The following CMTM7 variants were observed in gnomAD, a reference collection of about 807,000 sequenced individuals.
The protein encoded by CMTM7 is CKLF like MARVEL transmembrane domain containing 7.
Under a neutral mutation model 19.3 loss-of-function variants are expected in CMTM7, and 7 were observed. The observed-to-expected ratio is 0.36, with a 90% CI of 0.21 to 0.68. The LOEUF is 0.68. Among genes scored for constraint, CMTM7 ranks in the 30% least tolerant of loss-of-function variants. CMTM7 has a pLI of 0.60. For missense variants in CMTM7, 193 were observed against 232.6 expected (o/e 0.83, Z 1.11); for synonymous variants, 87 against 99.3 (o/e 0.88, Z 0.74).
At chr3:32,421,941 T>C (rs900267520) in intron 1 of CMTM7, among the ~76,000 whole-genome samples, 2 of 152,218 alleles carry the variant, frequency 1.3e-5, no homozygotes, top group African/African-American at 4.8e-5. Context: ...TTATTATCCC[T>C]CATGCCAAAG....
intron 1 of CMTM7, among the ~76,000 whole-genome samples, chr3:32,434,210 A>G (rs1696561954): frequency 6.6e-6 from 1 of 152,198 alleles, no homozygotes. Flanking sequence ...AACAATAATA[A>G]TACAAAAATA....
At position 32,454,659 on chromosome 3, in the gene CMTM7, A is replaced by C. The variant is rs1696883977; in HGVS notation, c.*405A>C. 2 of 368,176 alleles carry C rather than the reference A, an allele frequency of 5.4e-6. No homozygotes were observed. The highest frequency in any genetic ancestry group is 1.1e-5 in the Non-Finnish European group (2 of 188,316). The allele number at this position is 368,176 out of a possible 1,614,324, so 22.8% of individuals were successfully genotyped here. On this transcript the variant is annotated 3_prime_UTR_variant, in exon 5 of 5. Transcript: ENST00000334983. ...CCTTAAGAAACAAAGCCCTGTCCTA[A>C]TTTATCTAGCTTGTCAGTCCGGTCT...
At chr3:32,431,898 G>A (rs527316876) in intron 1 of CMTM7, among the ~76,000 whole-genome samples, 2 of 152,338 alleles carry the variant, frequency 1.3e-5, no homozygotes, top group South Asian at 2.1e-4. Flanking sequence ...TTGGGAGACC[G>A]AGGTGAGCAA....
Position 32,449,656 on chromosome 3 carries a change from C to A in CMTM7, c.432+104C>A. 1 of 877,616 alleles carries A rather than the reference C, an allele frequency of 1.1e-6. No individual in the cohort carries two copies. The highest frequency in any genetic ancestry group is 1.9e-6 in the Non-Finnish European group (1 of 519,752). 54.4% of individuals were successfully genotyped at this position (877,616 alleles called of 1,614,324 possible). ...GGCTTGGTTTCTGGGGCATTCCCTT[C>A]ATAGAATCAATACCTACCTTGATCC... On this transcript the variant is annotated intron_variant, in intron 3 of 4. Coordinates refer to ENST00000334983, the MANE Select transcript of CMTM7 (RefSeq NM_138410.4). This position sits in a 1 kb window ranked among gnomAD's most constrained non-coding sequence, Gnocchi z 4.5.
At position 32,454,361 on chromosome 3, in the gene CMTM7, G is replaced by T. The variant is rs1437868980; in HGVS notation, c.*107G>T. The T allele has an allele frequency of 3.6e-6, 5 of 1,401,852 alleles. No homozygotes were observed. Among genetic ancestry groups the T allele is most frequent in the Non-Finnish European group, 5.0e-6 (5 of 996,668 alleles). 86.8% of individuals were successfully genotyped at this position (1,401,852 alleles called of 1,614,324 possible). A position where few individuals can be genotyped will look rare whatever the true frequency, so the allele number is the denominator to read the frequency against. ...CCTGTGCCAAAGTCCTGTCAGGCTG[G>T]TGGGCACCAGGAAAGGCCTGCACCC... On this transcript the variant is annotated 3_prime_UTR_variant, in exon 5 of 5. Transcript: ENST00000334983.
At chr3:32,452,190 A>G (rs342745) in intron 3 of CMTM7, 1,179,161 of 1,504,840 alleles carry the variant, frequency 0.78, 463,924 homozygotes, top group Non-Finnish European at 0.8. Context: ...CCCAACCTGG[A>G]GGACTGGGGC....
intron 1 of CMTM7, among the ~76,000 whole-genome samples, chr3:32,399,312 A>C (rs1392236164): frequency 6.7e-6 from 1 of 148,772 alleles, no homozygotes; most frequent in Non-Finnish European, 1.5e-5. Context: ...TATTACATAT[A>C]CATCTTATTC....
chr3:32,424,197 C>T (rs538369583), intron 1 of CMTM7, among the ~76,000 whole-genome samples: 4 of 152,278 alleles, frequency 2.6e-5, no homozygotes, highest in East Asian at 1.9e-4. Context: ...TGCTGGCTGG[C>T]GGCCTTATGG....
chr3:32,445,464 A>T (rs184337282), intron 2 of CMTM7, among the ~76,000 whole-genome samples: 63 of 152,190 alleles, frequency 4.1e-4, no homozygotes, highest in Middle Eastern at 3.4e-3. Flanking sequence ...TACTGAGGTG[A>T]TGAGTTTTTC....
At chr3:32,440,268 A>T (rs1300681624) in intron 1 of CMTM7, among the ~76,000 whole-genome samples, 2 of 151,582 alleles carry the variant, frequency 1.3e-5, no homozygotes, top group Non-Finnish European at 2.9e-5. Context: ...TTAGCTGGGC[A>T]TGGTGGTGCA....
At chr3:32,393,826 T>C (rs111729219) in intron 1 of CMTM7, among the ~76,000 whole-genome samples, 198 of 151,114 alleles carry the variant, frequency 1.3e-3, no homozygotes, top group African/African-American at 4.6e-3. Context: ...TGAGAAGCCT[T>C]CATGTGGTCC....
chr3:32,402,093 ATTTG>A (rs964738939), intron 1 of CMTM7, among the ~76,000 whole-genome samples: 10 of 151,970 alleles, frequency 6.6e-5, no homozygotes, highest in Middle Eastern at 6.8e-3. Context: ...TTGTTTGTTT[ATTTG>A]TTTGTTTGGT....
intron 1 of CMTM7, among the ~76,000 whole-genome samples, chr3:32,409,965 T>C (rs1696148092): frequency 6.6e-6 from 1 of 152,222 alleles, no homozygotes; most frequent in Non-Finnish European, 1.5e-5. Context: ...GAATTTGATG[T>C]GAATCACCTC....
At chr3:32,400,017 G>A (rs916968503) in intron 1 of CMTM7, among the ~76,000 whole-genome samples, 3 of 152,094 alleles carry the variant, frequency 2.0e-5, no homozygotes, top group Non-Finnish European at 4.4e-5. Context: ...TAATTTTGGT[G>A]GTGGTTTGTT....
intron 1 of CMTM7, among the ~76,000 whole-genome samples, chr3:32,426,643 T>A (rs1696437615): frequency 6.6e-6 from 1 of 152,214 alleles, no homozygotes; most frequent in South Asian, 2.1e-4. Context: ...TACATAGTAT[T>A]TTGTCATAAG....
intron 1 of CMTM7, among the ~76,000 whole-genome samples, chr3:32,412,919 G>C (rs1696200857): frequency 6.6e-6 from 1 of 152,100 alleles, no homozygotes; most frequent in African/African-American, 2.4e-5. Context: ...TCATCTAAGT[G>C]GATATTTTTA....
At chr3:32,408,800 A>G (rs1575111113) in intron 1 of CMTM7, among the ~76,000 whole-genome samples, 1 of 152,206 alleles carries the variant, frequency 6.6e-6, no homozygotes, top group Non-Finnish European at 1.5e-5. Flanking sequence ...GCATTGCTTA[A>G]TCTAGTACTT....
rs1202590224 is a variant in CMTM7 at position 32,403,181 on chromosome 3, TG to T, written c.159+11118del. On this transcript the variant is annotated intron_variant, in intron 1 of 4. Coordinates refer to ENST00000334983, the MANE Select transcript of CMTM7 (RefSeq NM_138410.4). ...CTTAGGTGACAGCCACTAGGCTAGG[TG>T]GTTTATGTTTTGTTTTGTTTTGCTT... Among the ~76,000 whole-genome samples the T allele has an allele frequency of 6.6e-5, 10 of 152,180 alleles. No homozygotes were observed. In the East Asian group the frequency reaches 1.7e-3, roughly 26 times the overall value.
chr3:32,426,930 T>C lies in CMTM7; in HGVS notation c.160-14910T>C, dbSNP rs578196158. ...GTTATTTCACTACTTATTATATACT[T>C]TATGATGTGCTATATTATATACTTA... On this transcript the variant is annotated intron_variant, in intron 1 of 4. Coordinates refer to ENST00000334983, the MANE Select transcript of CMTM7 (RefSeq NM_138410.4). Among the ~76,000 whole-genome samples, 5 of 152,362 alleles carry C rather than the reference T, an allele frequency of 3.3e-5. No individual in the cohort carries two copies. In the South Asian group the frequency reaches 1.0e-3, roughly 32 times the overall value.
Sources: gnomAD v4.1 joint callset for allele counts (sites outside exome capture counted in the v4.1 genomes callset) on GRCh38, gnomAD v4.1.1 for gene constraint, Gnocchi (gnomAD v3.1) non-coding constraint, MANE v1.5 for transcripts, NCBI Gene and HGNC (gene_info 2026-07-23, HGNC 2026-07-21) for gene names.